The following SLIT2 variants were observed in gnomAD, a reference collection of about 807,000 sequenced individuals.
The protein encoded by SLIT2 is slit homolog 2 protein.
Under a neutral mutation model 185.7 loss-of-function variants are expected in SLIT2, and 41 were observed. The observed-to-expected ratio is 0.22, with a 90% confidence interval of 0.17 to 0.29. The LOEUF (loss-of-function observed/expected upper bound fraction) is 0.29. Among genes scored for constraint, SLIT2 ranks in the 10% least tolerant of loss-of-function variants. The pLI is 1.00. For synonymous variants in SLIT2, 693 were observed against 680.2 expected (o/e 1.02, Z -0.29); for missense variants, 1,571 against 1,909.0 (o/e 0.82, Z 3.30).
At chr4:20,312,513 C>T (rs1183105262) in intron 4 of SLIT2, among the ~76,000 whole-genome samples, 1 of 151,826 alleles carries the variant, frequency 6.6e-6, no homozygotes, top group Non-Finnish European at 1.5e-5. Context: ...GTGGCTCATG[C>T]CTGTAATCCC....
At chr4:20,334,927 A>C in intron 4 of SLIT2, among the ~76,000 whole-genome samples, 1 of 152,230 alleles carries the variant, frequency 6.6e-6, no homozygotes, top group South Asian at 2.1e-4. Flanking sequence ...TTTCATATGT[A>C]TAGTAATTAA....
At chr4:20,377,327 T>C (rs1403859680) in intron 4 of SLIT2, among the ~76,000 whole-genome samples, 1 of 152,170 alleles carries the variant, frequency 6.6e-6, no homozygotes, top group African/African-American at 2.4e-5. Flanking sequence ...TGAATACATC[T>C]ATTAAGATTA....
intron 29 of SLIT2, among the ~76,000 whole-genome samples, chr4:20,588,286 T>C (rs1219851071): frequency 6.6e-6 from 1 of 152,234 alleles, no homozygotes; most frequent in Non-Finnish European, 1.5e-5. Context: ...ATGTAATAAC[T>C]AGATGAATAC....
chr4:20,545,368 G>A (rs1723155381), intron 21 of SLIT2, among the ~76,000 whole-genome samples: 1 of 151,828 alleles, frequency 6.6e-6, no homozygotes, highest in African/African-American at 2.4e-5. Context: ...TGTCCTGCCA[G>A]TTAGCCCAAA....
intron 4 of SLIT2, among the ~76,000 whole-genome samples, chr4:20,284,872 A>G (rs1241856506): frequency 6.6e-6 from 1 of 152,254 alleles, no homozygotes; most frequent in East Asian, 1.9e-4. Context: ...TTGCTAATGT[A>G]GTAGGAAACA....
intron 18 of SLIT2, among the ~76,000 whole-genome samples, chr4:20,536,994 A>T (rs1486037329): frequency 6.6e-6 from 1 of 152,194 alleles, no homozygotes; most frequent in East Asian, 1.9e-4. Flanking sequence ...GAAGGTCTTC[A>T]GGGGCAATAA....
At position 20,519,443 on chromosome 4, in the gene SLIT2, T is replaced by G. The variant is rs775362643; in HGVS notation, c.1120T>G (p.Leu374Val). 6.4e-6 allele frequency: 10 copies of G among 1,568,226 alleles called. No individual in the cohort carries two copies. In the South Asian group the frequency reaches 1.1e-4, roughly 17 times the overall value. Reference sequence around the variant, plus strand: ...AAGTTTATTTGAAGGACTGTTTTCCTTACAGCTCCTGTAAGTATTTGATTG... The same window carrying G: ...AAGTTTATTTGAAGGACTGTTTTCCGTACAGCTCCTGTAAGTATTTGATTG... ...PKSLFEGLFS[L>V]QLLLLNANKI... Residue 374 changes from leucine (L) to valine (V), a missense_variant, in exon 12 of 37, where the codon TTA becomes GTA. By Grantham distance (32) the Leu-to-Val change is conservative. Transcript: ENST00000504154.
At chr4:20,396,208 G>C (rs560600543) in intron 4 of SLIT2, among the ~76,000 whole-genome samples, 2 of 151,934 alleles carry the variant, frequency 1.3e-5, no homozygotes, top group African/African-American at 4.8e-5. Context: ...ATAAATGTAT[G>C]TGTGTATGTA....
At chr4:20,394,788 T>C (rs969102347) in intron 4 of SLIT2, 13 of 152,156 alleles carry the variant, frequency 8.5e-5, no homozygotes, top group African/African-American at 2.9e-4. Context: ...GACATTTGTA[T>C]ACTCATTATG....
At chr4:20,594,646 G>A (rs73093153) in intron 30 of SLIT2, among the ~76,000 whole-genome samples, 2,448 of 152,192 alleles carry the variant, frequency 0.016, 55 homozygotes, top group African/African-American at 0.056. Context: ...TCTTCATGCA[G>A]CTATAAAATC....
At chr4:20,379,088 G>T (rs1296922315) in intron 4 of SLIT2, among the ~76,000 whole-genome samples, 2 of 152,130 alleles carry the variant, frequency 1.3e-5, no homozygotes, top group Admixed American at 1.3e-4. Context: ...GTAGATGCAT[G>T]TTACTGTAAA....
chr4:20,427,823 T>C (rs973029022), intron 4 of SLIT2, among the ~76,000 whole-genome samples: 2 of 152,316 alleles, frequency 1.3e-5, no homozygotes, highest in East Asian at 3.9e-4. Context: ...TATAGAATGT[T>C]ATTGAAATTC....
In SLIT2 at chr4:20,488,990, AGAAG is replaced by A. The variant is rs759633916; in HGVS notation, c.775+13_775+16del. The A allele has an allele frequency of 6.2e-7, 1 of 1,601,756 alleles. No homozygotes were observed. The highest frequency in any genetic ancestry group is 1.1e-5 in the South Asian group (1 of 90,058). On this transcript the variant is annotated intron_variant, in intron 8 of 36. Transcript: ENST00000504154. Reference sequence around the variant, plus strand: ...GAGAATTTGTCTGCAGTGGTAAGGGAGAAGGAAGAGTGATGTTATTGTGTTTATT... The same window carrying A: ...GAGAATTTGTCTGCAGTGGTAAGGGAGAAGAGTGATGTTATTGTGTTTATT...
chr4:20,253,821 C>G lies in SLIT2; in HGVS notation c.6C>G (p.Arg2=), dbSNP rs765158101. Residue 2 remains arginine (R), a synonymous_variant, in exon 1 of 37, where the codon CGC becomes CGG. Transcript: ENST00000504154. ...GAAGGAGGCGGCGGGGAAAGATGCG[C>G]GGCGTTGGCTGGCAGATGCTGTCCC... The part of the protein sequence containing the change: M[R]GVGWQMLSLS... The G allele has an allele frequency of 6.3e-7, 1 of 1,598,520 alleles. No homozygotes were observed. The highest frequency in any genetic ancestry group is 8.5e-7 in the Non-Finnish European group (1 of 1,179,348).
chr4:20,510,277 T>C (rs1487616862), intron 9 of SLIT2, among the ~76,000 whole-genome samples: 1 of 152,214 alleles, frequency 6.6e-6, no homozygotes, highest in Non-Finnish European at 1.5e-5. Context: ...CTTAAAAATC[T>C]GAATATTTTA....
In SLIT2 at chr4:20,291,285, C is replaced by T. The variant is rs75400844; in HGVS notation, c.395+22404C>T. On this transcript the variant is annotated intron_variant, in intron 4 of 36. Transcript: ENST00000504154. ...TTCAGTGCGTTCAGTGTGGTATGCA[C>T]ATTCTTCAAGGATTGTCCAAGTTAA... is the stretch of plus-strand genomic sequence containing the variant. Among the ~76,000 whole-genome samples, 838 of 151,612 alleles carry T rather than the reference C, an allele frequency of 5.5e-3. 9 individuals are homozygous for T. Among genetic ancestry groups the T allele is most frequent in the African/African-American group, 0.019 (794 of 41,324 alleles).
chr4:20,325,487 A>G (rs1377633732), intron 4 of SLIT2, among the ~76,000 whole-genome samples: 3 of 151,978 alleles, frequency 2.0e-5, no homozygotes, highest in Non-Finnish European at 2.9e-5. Flanking sequence ...TAGGCTTAAT[A>G]AATGCCCTGG....
At chr4:20,259,170 G>A (rs1198822183) in intron 3 of SLIT2, among the ~76,000 whole-genome samples, 2 of 151,478 alleles carry the variant, frequency 1.3e-5, no homozygotes, top group Non-Finnish European at 3.0e-5. Flanking sequence ...AATTAAAATT[G>A]GTAAACATTT....
chr4:20,320,099 T>C (rs894554636), intron 4 of SLIT2, among the ~76,000 whole-genome samples: 6 of 152,160 alleles, frequency 3.9e-5, no homozygotes, highest in Non-Finnish European at 8.8e-5. Context: ...TCACACACAA[T>C]TCTTACCATC....
Sources: gnomAD v4.1 joint callset for allele counts (sites outside exome capture counted in the v4.1 genomes callset) on GRCh38, gnomAD v4.1.1 for gene constraint, MANE v1.5 for transcripts, NCBI Gene and HGNC (gene_info 2026-07-23, HGNC 2026-07-21) for gene names.